The following TEAD1 variants were observed in gnomAD, a reference collection of about 807,000 sequenced individuals.
The protein encoded by TEAD1 is transcriptional enhancer factor TEF-1.
Under a neutral mutation model 54.9 loss-of-function variants are expected in TEAD1, and 9 were observed. That is an observed-to-expected ratio of 0.16 (90% CI 0.10 to 0.29). The LOEUF (loss-of-function observed/expected upper bound fraction) is 0.29. TEAD1 is among the 10% of genes least tolerant of loss of function. The probability of loss-of-function intolerance (pLI) is 1.00; values close to 1 mark genes in which losing one functional copy is unlikely to be tolerated. For missense variants in TEAD1, 387 were observed against 535.9 expected (o/e 0.72, Z 2.74); for synonymous variants, 200 against 187.8 (o/e 1.07, Z -0.53).
chr11:12,729,873 G>A (rs2133877192), intron 2 of TEAD1, among the ~76,000 whole-genome samples: 1 of 152,296 alleles, frequency 6.6e-6, no homozygotes, highest in African/African-American at 2.4e-5. Context: ...GATGCCCTGA[G>A]GAAAGGGTTT....
At chr11:12,703,432 A>G (rs1323124429) in intron 2 of TEAD1, among the ~76,000 whole-genome samples, 3 of 152,160 alleles carry the variant, frequency 2.0e-5, no homozygotes, top group Non-Finnish European at 4.4e-5. Flanking sequence ...GTGCTCAGAA[A>G]TGGGGATGAC....
Position 12,937,165 on chromosome 11 carries a change from A to G in TEAD1, c.1224A>G (p.Glu408=). The G allele has an allele frequency of 1.2e-6, 2 of 1,614,078 alleles. No individual in the cohort carries two copies. The highest frequency in any genetic ancestry group is 1.7e-4 in the Middle Eastern group (1 of 6,044). Residue 408 remains glutamate (E), a synonymous_variant, in exon 13 of 13, where the codon GAA becomes GAG. Coordinates refer to ENST00000527636, the MANE Select transcript of TEAD1 (RefSeq NM_021961.6). ...TACTCTGCATGGCCTGTGTGTTTGA[A>G]GTTTCAAATAGTGAACACGGAGCAC...
intron 10 of TEAD1, among the ~76,000 whole-genome samples, chr11:12,907,878 G>A (rs1221438500): frequency 6.6e-6 from 1 of 152,180 alleles, no homozygotes; most frequent in African/African-American, 2.4e-5. Flanking sequence ...AGGGAGCACG[G>A]TTCTGTCACT....
At chr11:12,899,617 A>G (rs1028551371) in intron 9 of TEAD1, among the ~76,000 whole-genome samples, 2 of 152,134 alleles carry the variant, frequency 1.3e-5, no homozygotes, top group Non-Finnish European at 2.9e-5. Flanking sequence ...AATGGCTTTT[A>G]CTTTTAACCT....
intron 2 of TEAD1, among the ~76,000 whole-genome samples, chr11:12,737,917 G>A (rs1177578235): frequency 6.6e-6 from 1 of 152,184 alleles, no homozygotes; most frequent in African/African-American, 2.4e-5. Context: ...CCATGTGGTT[G>A]GGGAAGCCTC....
At chr11:12,712,076 C>A (rs1943949522) in intron 2 of TEAD1, among the ~76,000 whole-genome samples, 1 of 152,158 alleles carries the variant, frequency 6.6e-6, no homozygotes, top group Non-Finnish European at 1.5e-5. Flanking sequence ...TAATTTGCAT[C>A]TTTTGAGGGA....
chr11:12,909,753 C>G (rs981431822), intron 10 of TEAD1, among the ~76,000 whole-genome samples: 1 of 152,186 alleles, frequency 6.6e-6, no homozygotes, highest in Non-Finnish European at 1.5e-5. Flanking sequence ...TTGCCATTCC[C>G]TGGACACCTT....
intron 3 of TEAD1, among the ~76,000 whole-genome samples, chr11:12,767,011 C>T (rs1311733420): frequency 1.3e-5 from 2 of 152,170 alleles, no homozygotes; most frequent in African/African-American, 4.8e-5. Context: ...AGCTTTGCTT[C>T]TACTGCTACC....
chr11:12,797,406 T>C (rs941001316), intron 3 of TEAD1, among the ~76,000 whole-genome samples: 3 of 152,158 alleles, frequency 2.0e-5, no homozygotes, highest in African/African-American at 7.2e-5. Flanking sequence ...CACAGACGGT[T>C]GGCACCCTAT....
intron 2 of TEAD1, among the ~76,000 whole-genome samples, chr11:12,680,595 A>C (rs1399670354): frequency 6.6e-6 from 1 of 152,162 alleles, no homozygotes; most frequent in Non-Finnish European, 1.5e-5. Flanking sequence ...TGAAGTTGAC[A>C]TCTGGTTTTC....
intron 2 of TEAD1, among the ~76,000 whole-genome samples, chr11:12,698,016 C>G (rs1280444822): frequency 6.7e-6 from 1 of 149,372 alleles, no homozygotes; most frequent in East Asian, 1.9e-4. Flanking sequence ...GAGCGAAACT[C>G]CGTCTCAAAA....
At position 12,856,261 on chromosome 11, in the gene TEAD1, G is replaced by A. The variant is rs547451644; in HGVS notation, c.203-5989G>A. Reference sequence around the variant, plus strand: ...TTGAGCCACCTGAGAAAGGGAGGCGGAGAAGAGATCCATGTCATTGGTTCT... The same window carrying A: ...TTGAGCCACCTGAGAAAGGGAGGCGAAGAAGAGATCCATGTCATTGGTTCT... On this transcript the variant is annotated intron_variant, in intron 3 of 12. Coordinates refer to ENST00000527636, the MANE Select transcript of TEAD1 (RefSeq NM_021961.6). 9.2e-5 allele frequency among the ~76,000 whole-genome samples: 14 copies of A among 152,218 alleles called. No individual in the cohort carries two copies. In the East Asian group the frequency reaches 2.5e-3, roughly 27 times the overall value.
chr11:12,857,578 C>CTGTGTGTGTGTGTGTGTGTG lies in TEAD1; in HGVS notation c.203-4656_203-4637dup, dbSNP rs10694132. 5.9e-3 allele frequency among the ~76,000 whole-genome samples: 857 copies of CTGTGTGTGTGTGTGTGTGTG among 145,826 alleles called. 9 individuals are homozygous for CTGTGTGTGTGTGTGTGTGTG. The highest frequency in any genetic ancestry group is 0.021 in the African/African-American group (802 of 38,792). ...ATCAAGCATCTCTCTCTCTCTGTCT[C>CTGTGTGTGTGTGTGTGTGTG]TGTGTGTGTGTGTGTGTGTGTGTGT... On this transcript the variant is annotated intron_variant, in intron 3 of 12. Coordinates refer to ENST00000527636, the MANE Select transcript of TEAD1 (RefSeq NM_021961.6).
At chr11:12,729,558 A>C (rs748160092) in intron 2 of TEAD1, among the ~76,000 whole-genome samples, 1 of 152,186 alleles carries the variant, frequency 6.6e-6, no homozygotes, top group Non-Finnish European at 1.5e-5. Flanking sequence ...TAAAACTTGT[A>C]ATCATGGTGA....
intron 10 of TEAD1, among the ~76,000 whole-genome samples, chr11:12,905,918 G>C (rs1326887014): frequency 1.3e-5 from 2 of 152,186 alleles, no homozygotes; most frequent in African/African-American, 4.8e-5. Context: ...GTTACCTAAA[G>C]TACCTGCATT....
At chr11:12,680,529 C>T (rs1943197260) in intron 2 of TEAD1, among the ~76,000 whole-genome samples, 1 of 152,374 alleles carries the variant, frequency 6.6e-6, no homozygotes, top group African/African-American at 2.4e-5. Flanking sequence ...TGTCTGCTTG[C>T]AGCTCTAGCT....
intron 10 of TEAD1, among the ~76,000 whole-genome samples, chr11:12,902,322 T>C (rs1948439567): frequency 6.6e-6 from 1 of 152,248 alleles, no homozygotes; most frequent in Admixed American, 6.5e-5. Flanking sequence ...GGTGACATTC[T>C]CTGTCCCTGC....
intron 1 of TEAD1, 59 bp from the exon 2 acceptor site, chr11:12,675,341 CTGGCGGGGG>C (rs1485099433): frequency 1.3e-5 from 2 of 152,258 alleles, no homozygotes; most frequent in Non-Finnish European, 2.9e-5. Flanking sequence ...ACTTGTGCCG[CTGGCGGGGG>C]GTTCGCTCCT....
At chr11:12,693,646 A>G (rs1168772840) in intron 2 of TEAD1, among the ~76,000 whole-genome samples, 1 of 152,194 alleles carries the variant, frequency 6.6e-6, no homozygotes, top group African/African-American at 2.4e-5. Flanking sequence ...TTTTCCTGCC[A>G]CTGGCATGAT....
Sources: gnomAD v4.1 joint callset for allele counts (sites outside exome capture counted in the v4.1 genomes callset) on GRCh38, gnomAD v4.1.1 for gene constraint, MANE v1.5 for transcripts, NCBI Gene and HGNC (gene_info 2026-07-23, HGNC 2026-07-21) for gene names.